The following ARMC8 variants were observed in gnomAD, a reference collection of about 807,000 sequenced individuals.
ARMC8 encodes the protein armadillo repeat-containing protein 8.
A neutral mutation model predicts 99.3 loss-of-function variants in ARMC8; 20 were observed. That is an observed-to-expected ratio of 0.20 (90% CI 0.14 to 0.29). ARMC8 has a LOEUF of 0.29. ARMC8 is among the 10% of genes least tolerant of loss of function. The pLI is 1.00. For missense variants in ARMC8, 569 were observed against 809.5 expected (o/e 0.70, Z 3.60); for synonymous variants, 263 against 278.3 (o/e 0.95, Z 0.55).
At chr3:138,281,386 A>G (rs1394664007) in intron 18 of ARMC8, among the ~76,000 whole-genome samples, 1 of 150,816 alleles carries the variant, frequency 6.6e-6, no homozygotes, top group Non-Finnish European at 1.5e-5. Context: ...TTTGGCTCCC[A>G]GGTTTAATAG....
chr3:138,211,740 T>C (rs1034715453), intron 2 of ARMC8, among the ~76,000 whole-genome samples: 12 of 152,206 alleles, frequency 7.9e-5, no homozygotes, highest in African/African-American at 2.9e-4. Context: ...TGGACAAGTT[T>C]TGTAATTTCA....
chr3:138,200,838 T>G (rs2044017002), intron 1 of ARMC8, among the ~76,000 whole-genome samples: 2 of 152,096 alleles, frequency 1.3e-5, no homozygotes, highest in South Asian at 4.1e-4. Flanking sequence ...ATGATATCAC[T>G]TATTTATTAT....
At chr3:138,198,200 A>G (rs1258475057) in intron 1 of ARMC8, among the ~76,000 whole-genome samples, 1 of 152,136 alleles carries the variant, frequency 6.6e-6, no homozygotes, top group Non-Finnish European at 1.5e-5. Flanking sequence ...AAACAAAAAA[A>G]AAACTCCAGA....
intron 1 of ARMC8, among the ~76,000 whole-genome samples, chr3:138,208,480 A>G (rs2044515174): frequency 6.6e-6 from 1 of 152,192 alleles, no homozygotes; most frequent in Non-Finnish European, 1.5e-5. Context: ...GGAGGGGGGA[A>G]GAAAATATAT....
chr3:138,189,953 C>CT (rs766094600), intron 1 of ARMC8, among the ~76,000 whole-genome samples: 6 of 152,218 alleles, frequency 3.9e-5, no homozygotes, highest in Non-Finnish European at 7.3e-5. Flanking sequence ...TGAATAATCT[C>CT]TGATTCTTCC....
At chr3:138,202,830 C>G (rs1255448334) in intron 1 of ARMC8, among the ~76,000 whole-genome samples, 2 of 152,146 alleles carry the variant, frequency 1.3e-5, no homozygotes, top group East Asian at 3.8e-4. Flanking sequence ...TCCTATTAGC[C>G]TTCAAATTTT....
Position 138,187,357 on chromosome 3 carries a change from A to T in ARMC8, c.-198A>T. 1.8e-6 allele frequency: 1 copy of T among 545,690 alleles called. No individual in the cohort carries two copies. Among genetic ancestry groups the T allele is most frequent in the Non-Finnish European group, 3.3e-6 (1 of 305,786 alleles). The allele number at this position is 545,690 out of a possible 1,614,324, so 33.8% of individuals were successfully genotyped here. On this transcript the variant is annotated 5_prime_UTR_variant, in exon 1 of 22. Coordinates refer to ENST00000469044, the MANE Select transcript of ARMC8 (RefSeq NM_001363941.2). ...TGCTGTTTCTGAGAGAACGATTCGTAGGACAGCCCCTGACGCCATTCCCTT... is the reference window on the plus strand; with the variant it reads ...TGCTGTTTCTGAGAGAACGATTCGTTGGACAGCCCCTGACGCCATTCCCTT...
chr3:138,273,000 G>A lies in ARMC8; in HGVS notation c.1513G>A (p.Ala505Thr), dbSNP rs764780936. 3 of 1,605,248 alleles carry A rather than the reference G, an allele frequency of 1.9e-6. No individual in the cohort carries two copies. The Admixed American group carries it at 5.1e-5, about 27-fold the overall frequency. Residue 505 changes from alanine (A) to threonine (T), a missense_variant, in exon 17 of 22, where the codon GCA (alanine) becomes ACA (threonine). By Grantham distance (58) the Ala-to-Thr change is moderately conservative (BLOSUM62 0). This residue lies in a region of ARMC8 where 227 missense variants were observed against 417.9 expected (regional missense o/e 0.54). Transcript: ENST00000469044. ...ATTTCAGGCTGAACAAAAAATAAAA[G>A]CAGATATTTTACGAAGCTTGAGTAC... is the stretch of plus-strand genomic sequence containing the variant. ...MAFQAEQKIK[A>T]DILRSLSTEQ... is the part of the protein sequence containing the mutation.
At chr3:138,195,002 C>T (rs1036343903) in intron 1 of ARMC8, among the ~76,000 whole-genome samples, 1 of 152,106 alleles carries the variant, frequency 6.6e-6, no homozygotes, top group African/African-American at 2.4e-5. Context: ...TCGCCAGGTG[C>T]AGTGGCTCAC....
intron 18 of ARMC8, among the ~76,000 whole-genome samples, chr3:138,281,485 G>T (rs1046953230): frequency 2.0e-5 from 3 of 151,976 alleles, no homozygotes; most frequent in African/African-American, 7.3e-5. Context: ...TAGAGATGGG[G>T]TTTCACCATA....
intron 2 of ARMC8, among the ~76,000 whole-genome samples, chr3:138,219,287 T>G (rs1436292362): frequency 1.3e-5 from 2 of 152,222 alleles, no homozygotes; most frequent in African/African-American, 4.8e-5. Flanking sequence ...AAATAATGGA[T>G]ATCTAGAATC....
At chr3:138,219,313 C>A (rs2045262952) in intron 2 of ARMC8, among the ~76,000 whole-genome samples, 2 of 152,300 alleles carry the variant, frequency 1.3e-5, no homozygotes, top group Non-Finnish European at 2.9e-5. Flanking sequence ...AAATAATGAT[C>A]TACTGACAGT....
intron 12 of ARMC8, chr3:138,262,615 T>G (rs756521937): frequency 1.8e-5 from 27 of 1,523,360 alleles, no homozygotes; most frequent in African/African-American, 4.2e-5. Context: ...AAAAAAAAAT[T>G]TAGGTGCCTA....
chr3:138,201,806 T>A (rs2044103102), intron 1 of ARMC8, among the ~76,000 whole-genome samples: 1 of 152,216 alleles, frequency 6.6e-6, no homozygotes, highest in African/African-American at 2.4e-5. Flanking sequence ...TCTTTCAGAT[T>A]ACTCATCCTT....
chr3:138,200,195 C>T lies in ARMC8; in HGVS notation c.46-9622C>T, dbSNP rs189815556. Among the ~76,000 whole-genome samples the T allele has an allele frequency of 2.0e-5, 3 of 152,268 alleles. No individual in the cohort carries two copies. The East Asian group carries it at 5.8e-4, about 29-fold the overall frequency. ...AGAAAGGCATGAAGCTAATTTATAACATCATTTAAACCCGTAAATACTCAG... is the reference window on the plus strand; with the variant it reads ...AGAAAGGCATGAAGCTAATTTATAATATCATTTAAACCCGTAAATACTCAG... On this transcript the variant is annotated intron_variant, in intron 1 of 21. Transcript: ENST00000469044.
Position 138,187,844 on chromosome 3 carries a change from G to A in ARMC8, c.45+245G>A, listed in dbSNP as rs1323014309. ...GTGCGGGTTCCCAGGATGGCGTCTG[G>A]CAGGCGGGGTGGCTGGGCTTATAGA... On this transcript the variant is annotated intron_variant, in intron 1 of 21. Coordinates refer to ENST00000469044, the MANE Select transcript of ARMC8 (RefSeq NM_001363941.2). 16 of 557,244 alleles carry A rather than the reference G, an allele frequency of 2.9e-5. No homozygotes were observed. The Admixed American group carries it at 4.7e-4, about 17-fold the overall frequency. 34.5% of individuals were successfully genotyped at this position (557,244 alleles called of 1,614,324 possible).
At chr3:138,201,222 A>T (rs79580878) in intron 1 of ARMC8, among the ~76,000 whole-genome samples, 10 of 147,338 alleles carry the variant, frequency 6.8e-5, no homozygotes, top group African/African-American at 7.5e-5. Context: ...TTTTTTTTTT[A>T]ATGTTAGTTG....
chr3:138,265,399 C>T (rs1197187210), intron 14 of ARMC8, among the ~76,000 whole-genome samples: 2 of 152,058 alleles, frequency 1.3e-5, no homozygotes. Flanking sequence ...TGATCATATA[C>T]CTTGCATTTA....
chr3:138,288,875 C>T (rs2050679769), intron 19 of ARMC8, 173 bp from the exon 20 acceptor site: 1 of 554,026 alleles, frequency 1.8e-6, no homozygotes. Context: ...TGACCTCGAT[C>T]TTCCACCTGC....
Sources: gnomAD v4.1 joint callset for allele counts (sites outside exome capture counted in the v4.1 genomes callset) on GRCh38, gnomAD v4.1.1 for gene constraint, gnomAD v4.1.1 regional missense constraint, MANE v1.5 for transcripts, NCBI Gene and HGNC (gene_info 2026-07-23, HGNC 2026-07-21) for gene names.